The following COLEC12 variants were observed in gnomAD, a reference collection of about 807,000 sequenced individuals.
COLEC12 encodes the protein collectin subfamily member 12.
COLEC12 carries 33 observed loss-of-function variants against 71.1 expected under a neutral mutation model. The observed-to-expected ratio is 0.46, with a 90% CI of 0.35 to 0.62. The LOEUF (loss-of-function observed/expected upper bound fraction) is 0.62. Ranked by LOEUF, COLEC12 falls within the 20% of genes least tolerant of loss-of-function variation. COLEC12 has a pLI of 0.00. For synonymous variants in COLEC12, 350 were observed against 353.0 expected, an observed-to-expected ratio of 0.99 and a Z score of 0.10; for missense variants, 765 against 916.1, an observed-to-expected ratio of 0.84 and a Z score of 2.13.
chr18:382,615 C>T (rs1046080230), intron 2 of COLEC12, among the ~76,000 whole-genome samples: 2 of 152,144 alleles, frequency 1.3e-5, no homozygotes, highest in Non-Finnish European at 2.9e-5. Context: ...CACTAATCCC[C>T]CCGAGCCCTG....
intron 2 of COLEC12, chr18:423,753 T>G (rs189829774): frequency 0.1 from 15,430 of 152,268 alleles, 871 homozygotes; most frequent in Admixed American, 0.16. Flanking sequence ...TGTTTGTTTT[T>G]TTTTGTTTTG....
chr18:331,600 G>C, intron 8 of COLEC12, 68 bp downstream of exon 8: 1 of 1,018,224 alleles, frequency 9.8e-7, no homozygotes, highest in Non-Finnish European at 1.5e-6. Flanking sequence ...ACTGTTGGGA[G>C]TCGGGCAAGA....
rs1598384948 is a variant in COLEC12 at position 500,441 on chromosome 18, T to C, written c.7+67A>G. On this transcript the variant is annotated intron_variant, in intron 1 of 9. Transcript: ENST00000400256. The surrounding 1 kb of genome is among the most constrained non-coding windows in gnomAD (Gnocchi z 5.3). Reference sequence around the variant, plus strand: ...AAGGTTCGCGCGGGAGGCACCTCCGTGGCCTCCCGCGCGCCCCGAAGCCCG... The same window carrying C: ...AAGGTTCGCGCGGGAGGCACCTCCGCGGCCTCCCGCGCGCCCCGAAGCCCG... 27 of 860,106 alleles carry C rather than the reference T, an allele frequency of 3.1e-5. No homozygotes were observed. The East Asian group carries it at 4.0e-4, about 13-fold the overall frequency. The allele number at this position is 860,106 out of a possible 1,614,324, so 53.3% of individuals were successfully genotyped here.
At chr18:364,171 T>C (rs1254453577) in intron 2 of COLEC12, among the ~76,000 whole-genome samples, 1 of 152,076 alleles carries the variant, frequency 6.6e-6, no homozygotes, top group Admixed American at 6.5e-5. Context: ...TCTGGTTTGG[T>C]TTTATTGTTT....
At chr18:446,940 A>G (rs182977838) in intron 2 of COLEC12, among the ~76,000 whole-genome samples, 15 of 152,334 alleles carry the variant, frequency 9.8e-5, no homozygotes, top group Non-Finnish European at 1.8e-4. Context: ...AACTCTTAAC[A>G]GTTTACCTAG....
intron 2 of COLEC12, among the ~76,000 whole-genome samples, chr18:377,751 C>A (rs1915144821): frequency 6.6e-6 from 1 of 152,088 alleles, no homozygotes; most frequent in African/African-American, 2.4e-5. Context: ...GAGCTTGGAG[C>A]ACTTGCCATC....
In COLEC12 at chr18:423,533, T is replaced by C. The variant is rs1188452371; in HGVS notation, c.58+57174A>G. Among the ~76,000 whole-genome samples the C allele has an allele frequency of 2.0e-5, 3 of 152,224 alleles. No homozygotes were observed. In the East Asian group the frequency reaches 5.8e-4, roughly 29 times the overall value. ...CTATCAGGTGCCATGATGATAGTTG[T>C]TCAAATACTAGCCTTCCCAGTATCA... On this transcript the variant is annotated intron_variant, in intron 2 of 9. Transcript: ENST00000400256.
intron 2 of COLEC12, among the ~76,000 whole-genome samples, chr18:359,126 GT>G (rs1332320408): frequency 6.6e-6 from 1 of 152,166 alleles, no homozygotes; most frequent in Admixed American, 6.5e-5. Flanking sequence ...GTCCCTTGAT[GT>G]TTGTTTCAGT....
At chr18:417,851 G>C (rs895280125) in intron 2 of COLEC12, among the ~76,000 whole-genome samples, 1 of 152,052 alleles carries the variant, frequency 6.6e-6, no homozygotes, top group African/African-American at 2.4e-5. Context: ...ATTAGAGAGT[G>C]TTCCCCATTT....
At chr18:400,830 C>T (rs1027180125) in intron 2 of COLEC12, among the ~76,000 whole-genome samples, 8 of 152,088 alleles carry the variant, frequency 5.3e-5, no homozygotes. Flanking sequence ...GTAACATTTA[C>T]TATTTTGGAG....
intron 2 of COLEC12, among the ~76,000 whole-genome samples, chr18:457,888 G>A (rs1424292815): frequency 6.6e-6 from 1 of 152,166 alleles, no homozygotes; most frequent in African/African-American, 2.4e-5. Context: ...GTATCTTACT[G>A]GCAGGATATA....
At chr18:461,636 C>A (rs912697639) in intron 2 of COLEC12, among the ~76,000 whole-genome samples, 4 of 152,182 alleles carry the variant, frequency 2.6e-5, no homozygotes, top group Non-Finnish European at 5.9e-5. Flanking sequence ...AATTCTCCTG[C>A]CTTGGCCTAC....
chr18:320,127 C>CA, intron 9 of COLEC12, 63 bp from the exon 10 acceptor site: 7 of 909,986 alleles, frequency 7.7e-6, no homozygotes, highest in South Asian at 2.9e-5. Flanking sequence ...ATGTGCAATT[C>CA]AAAAAAAGGG....
intron 2 of COLEC12, among the ~76,000 whole-genome samples, chr18:414,472 C>G (rs980268668): frequency 6.6e-5 from 10 of 152,062 alleles, no homozygotes; most frequent in Non-Finnish European, 1.5e-5. Flanking sequence ...GTGGCACATG[C>G]CTGTAATCCT....
intron 2 of COLEC12, among the ~76,000 whole-genome samples, chr18:443,326 C>T (rs954726848): frequency 7.9e-5 from 12 of 152,192 alleles, no homozygotes; most frequent in Non-Finnish European, 1.2e-4. Context: ...AAAATTGATA[C>T]ATCCATTTCC....
At chr18:363,894 T>C (rs1914800383) in intron 2 of COLEC12, among the ~76,000 whole-genome samples, 1 of 152,210 alleles carries the variant, frequency 6.6e-6, no homozygotes, top group African/African-American at 2.4e-5. Context: ...CCAAGTTTCC[T>C]AACGATGTGG....
chr18:434,208 A>G (rs1434032613), intron 2 of COLEC12, among the ~76,000 whole-genome samples: 2 of 152,212 alleles, frequency 1.3e-5, no homozygotes, highest in East Asian at 3.8e-4. Context: ...TCTGAGAAAA[A>G]GGAAGGAGAA....
chr18:454,937 G>C (rs12969127), intron 2 of COLEC12, among the ~76,000 whole-genome samples: 17,417 of 152,170 alleles, frequency 0.11, 1,377 homozygotes, highest in East Asian at 0.37. Flanking sequence ...TGGCTAGAAA[G>C]GGCTTCCTAT....
At chr18:389,956 T>C (rs1171786884) in intron 2 of COLEC12, among the ~76,000 whole-genome samples, 1 of 152,254 alleles carries the variant, frequency 6.6e-6, no homozygotes, top group East Asian at 1.9e-4. Context: ...AAACTACATC[T>C]GTAGCTTTCT....
Sources: allele counts gnomAD v4.1 joint callset (sites outside exome capture counted in the v4.1 genomes callset), GRCh38; gene constraint gnomAD v4.1.1; non-coding constraint Gnocchi (gnomAD v3.1); transcripts MANE v1.5; gene names NCBI Gene and HGNC (gene_info 2026-07-23, HGNC 2026-07-21).